MAP3K20: variants seen among roughly 807,000 people sequenced by gnomAD.
The protein encoded by MAP3K20 is HCCS-4.
MAP3K20 carries 40 observed loss-of-function variants against 85.7 expected under a neutral mutation model. The ratio of observed to expected loss-of-function variants is 0.47; its 90% CI spans 0.36 to 0.61. The LOEUF is 0.61. Ranked by LOEUF, MAP3K20 falls within the 20% of genes least tolerant of loss-of-function variation. MAP3K20 has a pLI of 0.00. For synonymous variants in MAP3K20, 325 were observed against 327.7 expected (o/e 0.99, Z 0.09); for missense variants, 817 against 961.7 (o/e 0.85, Z 1.99).
chr2:173,214,580 C>T (rs959362472), intron 10 of MAP3K20: 2 of 152,108 alleles, frequency 1.3e-5, no homozygotes, highest in Non-Finnish European at 2.9e-5. Flanking sequence ...ACAGATTATA[C>T]ATTTATCATG....
chr2:173,214,697 A>G (rs1230686098), intron 10 of MAP3K20, among the ~76,000 whole-genome samples: 1 of 152,230 alleles, frequency 6.6e-6, no homozygotes, highest in African/African-American at 2.4e-5. Context: ...TTTTTGGCAT[A>G]TGGAAAATTG....
chr2:173,229,865 C>T, intron 12 of MAP3K20, 132 bp downstream of exon 12: 1 of 1,013,310 alleles, frequency 9.9e-7, no homozygotes, highest in Non-Finnish European at 1.5e-6. Context: ...TTTTCTCACT[C>T]TGTCTCCCAG....
Position 173,198,046 on chromosome 2 carries a change from A to G in MAP3K20, c.603A>G (p.Thr201=). The G allele has an allele frequency of 6.2e-7, 1 of 1,612,612 alleles. No individual in the cohort carries two copies. Among genetic ancestry groups the G allele is most frequent in the Non-Finnish European group, 8.5e-7 (1 of 1,179,166 alleles). Reference sequence around the variant, plus strand: ...TCCAGGTTCTCTGGGAGATGCTAACAAGGGAGGTCCCCTTTAAAGGTTTGG... The same window carrying G: ...TCCAGGTTCTCTGGGAGATGCTAACGAGGGAGGTCCCCTTTAAAGGTTTGG... ...SYGVVLWEML[T]REVPFKGLEG... The change falls in exon 8 of 20, where the codon ACA becomes ACG. Residue 201 remains threonine (T), a synonymous_variant. Transcript: ENST00000375213. This position sits in a 1 kb window ranked among gnomAD's most constrained non-coding sequence, Gnocchi z 5.8.
chr2:173,256,506 T>C lies in MAP3K20; in HGVS notation c.1360-2193T>C, dbSNP rs1352344584. On this transcript the variant is annotated intron_variant, in intron 16 of 19. Coordinates refer to ENST00000375213, the MANE Select transcript of MAP3K20 (RefSeq NM_016653.3). ...ATAGATAGATAGATAGATAGATAGA[T>C]AGATAGATAGATAGATAGATAGATA... Among the ~76,000 whole-genome samples the C allele has an allele frequency of 8.1e-5, 12 of 148,920 alleles. No homozygotes were observed. The South Asian group carries it at 2.2e-3, about 28-fold the overall frequency.
chr2:173,120,304 C>T (rs768719565), intron 2 of MAP3K20, among the ~76,000 whole-genome samples: 2 of 152,038 alleles, frequency 1.3e-5, no homozygotes, highest in Non-Finnish European at 2.9e-5. Flanking sequence ...CTCAGCAGTC[C>T]TGCCTTTTAT....
intron 18 of MAP3K20, among the ~76,000 whole-genome samples, chr2:173,261,600 A>T (rs1419802285): frequency 6.6e-6 from 1 of 152,222 alleles, no homozygotes; most frequent in African/African-American, 2.4e-5. Flanking sequence ...TCAAAGGGAC[A>T]TGCATTTCAT....
chr2:173,237,018 CCTTT>C (rs1182785315), intron 14 of MAP3K20, among the ~76,000 whole-genome samples: 2 of 119,908 alleles, frequency 1.7e-5, no homozygotes, highest in Non-Finnish European at 3.3e-5. Flanking sequence ...AGTATATCCA[CCTTT>C]TTTTTTTTTT....
At chr2:173,076,054 C>T in intron 1 of MAP3K20, 52 bp downstream of exon 1, 1 of 977,718 alleles carries the variant, frequency 1.0e-6, no homozygotes, top group South Asian at 4.7e-5. Flanking sequence ...GGGCGAGGCC[C>T]GCCGCGCTCG....
rs1685426229 is a variant in MAP3K20 at position 173,266,487 on chromosome 2, T to C, written c.2140T>C (p.Phe714Leu). The change falls in exon 20 of 20, where the codon TTC becomes CTC. Residue 714 changes from phenylalanine to leucine, a missense_variant. Physicochemically the swap from Phe to Leu is conservative, Grantham distance 22 (BLOSUM62 0). Around this residue, in one of 4 missense-constraint regions of MAP3K20, gnomAD observed 454 missense variants for 476.9 expected, o/e 0.95. Coordinates refer to ENST00000375213, the MANE Select transcript of MAP3K20 (RefSeq NM_016653.3). The part of the protein sequence containing the change: ...TPSRGRYPGK[F>L]YRVSQSALNP... ...TTCAAGAGGAAGATACCCTGGAAAG[T>C]TCTACAGGGTTTCTCAGTCAGCACT... 1 of 1,613,838 alleles carries C rather than the reference T, an allele frequency of 6.2e-7. No homozygotes were observed. The highest frequency in any genetic ancestry group is 1.3e-5 in the African/African-American group (1 of 74,838).
chr2:173,208,071 C>T (rs539396006), intron 9 of MAP3K20, among the ~76,000 whole-genome samples: 4 of 152,122 alleles, frequency 2.6e-5, no homozygotes, highest in Admixed American at 6.5e-5. Context: ...AATGAAAATC[C>T]TTTATTATAT....
intron 8 of MAP3K20, 94 bp from the exon 9 acceptor site, chr2:173,203,697 TTAAAA>T (rs1683569878): frequency 4.3e-6 from 4 of 922,396 alleles, no homozygotes; most frequent in African/African-American, 1.6e-5. Flanking sequence ...CCTTATGTTC[TTAAAA>T]TAACTCTATT....
rs1034892640 is a variant in MAP3K20 at position 173,225,951 on chromosome 2, C to T, written c.988-3738C>T. 3 of 984,354 alleles carry T rather than the reference C, an allele frequency of 3.0e-6. No individual in the cohort carries two copies. In the African/African-American group the frequency reaches 5.3e-5, roughly 17 times the overall value. The allele number at this position is 984,354 out of a possible 1,614,324, so 61.0% of individuals were successfully genotyped here. Reference sequence around the variant, plus strand: ...AAAACTCATTGAGATAGCTACAGTTCTATAGGTTAATTTAAAGCCTCCTTT... The same window carrying T: ...AAAACTCATTGAGATAGCTACAGTTTTATAGGTTAATTTAAAGCCTCCTTT... On this transcript the variant is annotated intron_variant, in intron 11 of 19. Transcript: ENST00000375213.
chr2:173,188,394 A>C (rs995896092), intron 5 of MAP3K20, among the ~76,000 whole-genome samples: 1 of 152,174 alleles, frequency 6.6e-6, no homozygotes, highest in Non-Finnish European at 1.5e-5. Context: ...CCCTCCAATC[A>C]ATTAATTATT....
chr2:173,185,371 G>A (rs1690455804), intron 4 of MAP3K20, among the ~76,000 whole-genome samples: 1 of 152,090 alleles, frequency 6.6e-6, no homozygotes, highest in African/African-American at 2.4e-5. Flanking sequence ...GTGAGGCAGA[G>A]AAGAGGCTTG....
At chr2:173,088,313 G>A (rs946630042) in intron 1 of MAP3K20, among the ~76,000 whole-genome samples, 2 of 152,176 alleles carry the variant, frequency 1.3e-5, no homozygotes, top group African/African-American at 4.8e-5. Context: ...TGTAAACACT[G>A]ACTATTGACT....
At chr2:173,146,208 A>G (rs1488111418) in intron 2 of MAP3K20, among the ~76,000 whole-genome samples, 1 of 152,058 alleles carries the variant, frequency 6.6e-6, no homozygotes, top group African/African-American at 2.4e-5. Flanking sequence ...GTTAGAAGAA[A>G]CAAAAAAGTT....
intron 2 of MAP3K20, among the ~76,000 whole-genome samples, chr2:173,100,295 T>C (rs529386965): frequency 6.6e-6 from 1 of 152,296 alleles, no homozygotes; most frequent in African/African-American, 2.4e-5. Context: ...CTCTTCTTCT[T>C]CACAGTCACT....
At chr2:173,196,773 C>T (rs574736870) in intron 7 of MAP3K20, among the ~76,000 whole-genome samples, 2 of 152,240 alleles carry the variant, frequency 1.3e-5, no homozygotes, top group South Asian at 4.2e-4. Context: ...TGAGTCGAAG[C>T]CACTGGTTCT....
At chr2:173,093,554 A>G (rs1249254904) in intron 2 of MAP3K20, among the ~76,000 whole-genome samples, 1 of 152,166 alleles carries the variant, frequency 6.6e-6, no homozygotes, top group Non-Finnish European at 1.5e-5. Flanking sequence ...TAGTGGGTAT[A>G]CTACTACTTT....
Sources: allele counts gnomAD v4.1 joint callset (sites outside exome capture counted in the v4.1 genomes callset), GRCh38; gene constraint gnomAD v4.1.1; regional missense constraint gnomAD v4.1.1; non-coding constraint Gnocchi (gnomAD v3.1); transcripts MANE v1.5; gene names NCBI Gene and HGNC (gene_info 2026-07-23, HGNC 2026-07-21).